ABI3BP: variants seen among roughly 807,000 people sequenced by gnomAD.
ABI3BP encodes target of Nesh-SH3.
Under a neutral mutation model 268.6 loss-of-function variants are expected in ABI3BP, and 216 were observed. The ratio of observed to expected loss-of-function variants is 0.80; its 90% confidence interval spans 0.72 to 0.90. The LOEUF (loss-of-function observed/expected upper bound fraction) is 0.90, where lower values mean the gene tolerates loss of function less well. ABI3BP is among the 40% of genes least tolerant of loss of function. ABI3BP has a pLI of 0.00. For missense variants in ABI3BP, 2,090 were observed against 2,182.4 expected (o/e 0.96, Z 0.84); for synonymous variants, 730 against 730.0 (o/e 1.00, Z 0.00).
intron 63 of ABI3BP, among the ~76,000 whole-genome samples, chr3:100,756,686 T>C (rs2095635419): frequency 6.6e-6 from 1 of 152,126 alleles, no homozygotes; most frequent in South Asian, 2.1e-4. Flanking sequence ...CAAGTCTGAT[T>C]GCTGGAATTG....
Position 100,836,096 on chromosome 3 carries a change from G to A in ABI3BP, c.2132-436C>T, listed in dbSNP as rs192709872. The stretch of plus-strand genomic sequence containing the variant: ...TTCAGTCTATTTACTGGAGATTTGT[G>A]AGAGTTGTGCAAAAGTCTTGTACGT... On this transcript the variant is annotated intron_variant, in intron 27 of 67. Transcript: ENST00000471714. 6.2e-4 allele frequency among the ~76,000 whole-genome samples: 95 copies of A among 152,262 alleles called. 1 individual carries two copies. In the East Asian group the frequency reaches 0.017, roughly 27 times the overall value.
intron 1 of ABI3BP, among the ~76,000 whole-genome samples, chr3:100,955,999 C>T (rs1277055254): frequency 6.6e-6 from 1 of 151,840 alleles, no homozygotes; most frequent in East Asian, 1.9e-4. Context: ...ACCAGCCTGC[C>T]CAACATAGTG....
chr3:100,832,452 T>C (rs1318453013), intron 30 of ABI3BP, 102 bp from the exon 31 acceptor site: 5 of 1,099,608 alleles, frequency 4.5e-6, no homozygotes, highest in Non-Finnish European at 6.3e-6. Context: ...AGAGTTTGAG[T>C]TGACAGAACT....
intron 1 of ABI3BP, among the ~76,000 whole-genome samples, chr3:100,952,116 C>G (rs1355910815): frequency 1.3e-5 from 2 of 152,136 alleles, no homozygotes; most frequent in African/African-American, 4.8e-5. Flanking sequence ...GCATTTTTAT[C>G]TCTTGTCTAC....
chr3:100,874,461 GTAAA>G (rs1269735298), intron 9 of ABI3BP, among the ~76,000 whole-genome samples: 1 of 152,030 alleles, frequency 6.6e-6, no homozygotes, highest in East Asian at 1.9e-4. Context: ...TCAATCTCAA[GTAAA>G]TAATAATTCT....
intron 58 of ABI3BP, among the ~76,000 whole-genome samples, chr3:100,779,835 C>T (rs1482615815): frequency 1.3e-5 from 2 of 152,094 alleles, no homozygotes; most frequent in Non-Finnish European, 2.9e-5. Flanking sequence ...CTAGAAACCA[C>T]AGTGATTCTG....
chr3:100,789,553 A>G, intron 55 of ABI3BP, 37 bp from the exon 56 acceptor site: 1 of 1,555,864 alleles, frequency 6.4e-7, no homozygotes, highest in South Asian at 1.2e-5. Context: ...AATAACCAAC[A>G]GACCAAAGCC....
chr3:100,816,501 G>A, intron 43 of ABI3BP, 187 bp downstream of exon 43: 1 of 670,790 alleles, frequency 1.5e-6, no homozygotes, highest in Non-Finnish European at 2.7e-6. Flanking sequence ...CACACAAGTG[G>A]CTCCAAGCCA....
At chr3:100,767,459 C>T (rs901697161) in intron 62 of ABI3BP, among the ~76,000 whole-genome samples, 7 of 151,988 alleles carry the variant, frequency 4.6e-5, no homozygotes. Flanking sequence ...TCTCAGCTGG[C>T]TCTCCGAACG....
chr3:100,865,014 G>A, intron 10 of ABI3BP, 107 bp from the exon 11 acceptor site: 1 of 836,554 alleles, frequency 1.2e-6, no homozygotes, highest in Non-Finnish European at 1.9e-6. Flanking sequence ...TATTTGTATA[G>A]CCCATTTCTT....
intron 54 of ABI3BP, among the ~76,000 whole-genome samples, chr3:100,793,611 C>G (rs1232535807): frequency 6.6e-6 from 1 of 151,968 alleles, no homozygotes; most frequent in Non-Finnish European, 1.5e-5. Flanking sequence ...ATTGATTTTG[C>G]AGAAATAAGC....
chr3:100,829,183 G>T (rs1269953399), intron 33 of ABI3BP, among the ~76,000 whole-genome samples: 1 of 151,756 alleles, frequency 6.6e-6, no homozygotes, highest in Non-Finnish European at 1.5e-5. Flanking sequence ...ATACTACAGG[G>T]ACTATATGGC....
intron 12 of ABI3BP, chr3:100,863,138 C>G: frequency 2.2e-6 from 1 of 454,206 alleles, no homozygotes; most frequent in Non-Finnish European, 3.9e-6. Flanking sequence ...TTGGACTCTT[C>G]TTTCCACCCT....
intron 61 of ABI3BP, among the ~76,000 whole-genome samples, chr3:100,771,889 C>A (rs1196365699): frequency 1.3e-5 from 2 of 151,926 alleles, no homozygotes; most frequent in Admixed American, 1.3e-4. Context: ...AACTTCTAAA[C>A]CCATAGATCC....
At chr3:100,776,874 C>T (rs2096721272) in intron 59 of ABI3BP, among the ~76,000 whole-genome samples, 1 of 152,218 alleles carries the variant, frequency 6.6e-6, no homozygotes, top group South Asian at 2.1e-4. Context: ...AGGCACACAG[C>T]CTCACAGCAT....
chr3:100,980,263 G>T (rs2088661196), intron 1 of ABI3BP, among the ~76,000 whole-genome samples: 5 of 151,882 alleles, frequency 3.3e-5, no homozygotes, highest in Admixed American at 3.3e-4. Flanking sequence ...ATGGAGTCTT[G>T]CTCTGTCACC....
intron 1 of ABI3BP, among the ~76,000 whole-genome samples, chr3:100,966,480 A>G (rs2081345122): frequency 6.6e-6 from 1 of 152,206 alleles, no homozygotes; most frequent in Non-Finnish European, 1.5e-5. Flanking sequence ...AGCCTAATGT[A>G]TTTACTATCC....
intron 64 of ABI3BP, 61 bp downstream of exon 64, chr3:100,754,551 A>G: frequency 6.8e-7 from 1 of 1,474,666 alleles, no homozygotes; most frequent in East Asian, 2.5e-5. Flanking sequence ...TTCCTACGCA[A>G]AACATTGCTC....
chr3:100,771,638 T>G (rs893897000), intron 61 of ABI3BP, among the ~76,000 whole-genome samples: 1 of 152,116 alleles, frequency 6.6e-6, no homozygotes, highest in African/African-American at 2.4e-5. Flanking sequence ...ATGCACTGGT[T>G]AGAATTAATA....
Sources: allele counts gnomAD v4.1 joint callset (sites outside exome capture counted in the v4.1 genomes callset), GRCh38; gene constraint gnomAD v4.1.1; transcripts MANE v1.5; gene names NCBI Gene and HGNC (gene_info 2026-07-23, HGNC 2026-07-21).